Variants in VLDLR observed in about 807,000 individuals in gnomAD.
VLDLR encodes very low-density lipoprotein receptor.
A neutral mutation model predicts 112.7 loss-of-function variants in VLDLR; 81 were observed. The observed-to-expected ratio is 0.72, with a 90% CI of 0.60 to 0.86. The LOEUF (loss-of-function observed/expected upper bound fraction) is 0.86, where lower values mean the gene tolerates loss of function less well. Among genes scored for constraint, VLDLR ranks in the 40% least tolerant of loss-of-function variants. The pLI is 0.00. For missense variants in VLDLR, 1,237 were observed against 1,099.4 expected (o/e 1.13, Z -1.77); for synonymous variants, 436 against 384.8 (o/e 1.13, Z -1.56).
intron 1 of VLDLR, 149 bp downstream of exon 1, chr9:2,622,420 C>T: frequency 2.9e-6 from 2 of 686,384 alleles, no homozygotes; most frequent in East Asian, 3.5e-5. Context: ...CGTGGTGGCG[C>T]CTCTGAGCTG....
At chr9:2,633,509 A>G (rs1358549929) in intron 1 of VLDLR, among the ~76,000 whole-genome samples, 2 of 152,072 alleles carry the variant, frequency 1.3e-5, no homozygotes, top group African/African-American at 4.8e-5. Flanking sequence ...TTGACCTTTA[A>G]GTTGCTATTC....
intron 12 of VLDLR, among the ~76,000 whole-genome samples, chr9:2,647,947 G>A (rs893372350): frequency 6.6e-6 from 1 of 152,158 alleles, no homozygotes. Context: ...CAACAAAATG[G>A]TAGCCTCTTT....
chr9:2,645,733 A>C lies in VLDLR; in HGVS notation c.1472A>C (p.Lys491Thr). 6.2e-7 allele frequency: 1 copy of C among 1,614,208 alleles called. No individual in the cohort carries two copies. The highest frequency in any genetic ancestry group is 8.5e-7 in the Non-Finnish European group (1 of 1,180,032). ...QKLFWADLSQ[K>T]AIFSASIDDK... is the part of the protein sequence containing the mutation. ...CTATTCTGGGCCGATCTAAGCCAAA[A>C]GGCTATCTTCAGGTAACTTTCAGTT... Residue 491 changes from lysine to threonine, a missense_variant, in exon 10 of 19, where the codon AAG (lysine) becomes ACG (threonine). Lys to Thr is a moderately conservative substitution (Grantham distance 78). Transcript: ENST00000382100.
chr9:2,636,149 A>G (rs1397759935), intron 2 of VLDLR, among the ~76,000 whole-genome samples: 1 of 152,236 alleles, frequency 6.6e-6, no homozygotes, highest in Non-Finnish European at 1.5e-5. Context: ...ATCAGCATCT[A>G]TTAAAAGATC....
At chr9:2,627,517 C>T (rs1817147927) in intron 1 of VLDLR, among the ~76,000 whole-genome samples, 1 of 152,096 alleles carries the variant, frequency 6.6e-6, no homozygotes, top group Non-Finnish European at 1.5e-5. Flanking sequence ...CCCAAAGGGA[C>T]ACACTCATTC....
At chr9:2,640,009 C>T in intron 3 of VLDLR, 28 bp downstream of exon 3, 1 of 1,614,134 alleles carries the variant, frequency 6.2e-7, no homozygotes, top group Non-Finnish European at 8.5e-7. Flanking sequence ...TGGCCTTGAA[C>T]TTTGCCAAGT....
Position 2,622,167 on chromosome 9 carries a change from G to C in VLDLR, c.-23G>C, listed in dbSNP as rs1276099995. The C allele has an allele frequency of 2.8e-6, 4 of 1,421,680 alleles. No individual in the cohort carries two copies. The highest frequency in any genetic ancestry group is 1.5e-5 in the African/African-American group (1 of 67,388). The allele number at this position is 1,421,680 out of a possible 1,614,324, so 88.1% of individuals were successfully genotyped here. A position where few individuals can be genotyped will look rare whatever the true frequency, so the allele number is the denominator to read the frequency against. On this transcript the variant is annotated 5_prime_UTR_variant, in exon 1 of 19. Coordinates refer to ENST00000382100, the MANE Select transcript of VLDLR (RefSeq NM_003383.5). ...GCGAACGGCGGCGGCGGCGGCGGCG[G>C]CGGCACCATCCAGGCGGGCACCATG... is the stretch of plus-strand genomic sequence containing the variant.
chr9:2,643,341 G>T lies in VLDLR; in HGVS notation c.630G>T (p.Trp210Cys). The T allele has an allele frequency of 6.2e-7, 1 of 1,614,116 alleles. No individual in the cohort carries two copies. The highest frequency in any genetic ancestry group is 8.5e-7 in the Non-Finnish European group (1 of 1,180,028). ...CCTCCTCCTGCATCCCCATCAGCTG[G>T]GTATGCGACGATGATGCAGACTGCT... Reference protein sequence around the residue: ...CSTSSCIPISWVCDDDADCSD... With the variant: ...CSTSSCIPISCVCDDDADCSD... Residue 210 changes from tryptophan (W) to cysteine (C), a missense_variant, in exon 5 of 19, where the codon TGG becomes TGT. Physicochemically the swap from Trp to Cys is radical, Grantham distance 215. Coordinates refer to ENST00000382100, the MANE Select transcript of VLDLR (RefSeq NM_003383.5).
intron 9 of VLDLR, among the ~76,000 whole-genome samples, 171 bp from the exon 10 acceptor site, chr9:2,645,403 A>C (rs1436265849): frequency 6.6e-6 from 1 of 152,134 alleles, no homozygotes; most frequent in African/African-American, 2.4e-5. Flanking sequence ...CTGCCTTCCT[A>C]AACTGTAGGA....
chr9:2,622,255 C>A lies in VLDLR; in HGVS notation c.66C>A (p.Ser22Arg), dbSNP rs1465687085. 6.7e-7 allele frequency: 1 copy of A among 1,491,152 alleles called. No individual in the cohort carries two copies. The allele number at this position is 1,491,152 out of a possible 1,614,324, so 92.4% of individuals were successfully genotyped here. A position where few individuals can be genotyped will look rare whatever the true frequency, so the allele number is the denominator to read the frequency against. The change falls in exon 1 of 19, where the codon AGC becomes AGA. Residue 22 changes from serine (S) to arginine (R), a missense_variant. By Grantham distance (110) the Ser-to-Arg change is moderately radical. Coordinates refer to ENST00000382100, the MANE Select transcript of VLDLR (RefSeq NM_003383.5). ...LLALCWAPRE[S>R]GATGTGRKAK... ...CGCTGTGCTGGGCGCCCCGGGAGAG[C>A]GGCGCCACCGGAACCGGTGAGTGAG...
Position 2,645,003 on chromosome 9 carries a change from C to T in VLDLR, c.1233C>T (p.Ile411=). The T allele has an allele frequency of 2.5e-6, 4 of 1,614,142 alleles. No homozygotes were observed. Among genetic ancestry groups the T allele is most frequent in the Non-Finnish European group, 3.4e-6 (4 of 1,180,022 alleles). Residue 411 remains isoleucine, a synonymous_variant, in exon 9 of 19, where the codon ATC becomes ATT. Transcript: ENST00000382100. ...QNPGICSQIC[I]NLKGGYKCEC... is the part of the protein sequence containing the mutation. ...CAGGAATCTGCAGTCAAATTTGTAT[C>T]AACTTAAAAGGCGGTTACAAGTGTG...
chr9:2,644,776 T>A lies in VLDLR; in HGVS notation c.1109T>A (p.Ile370Asn). The A allele has an allele frequency of 6.2e-7, 1 of 1,614,182 alleles. No individual in the cohort carries two copies. The highest frequency in any genetic ancestry group is 8.5e-7 in the Non-Finnish European group (1 of 1,180,034). ...CLVNNGGCSH[I>N]CKDLVIGYEC... ...GTAAATAATGGTGGATGTTCTCATA[T>A]CTGCAAAGACCTAGTTATAGGCTAC... The change falls in exon 8 of 19, where the codon ATC becomes AAC. Residue 370 changes from isoleucine (I) to asparagine (N), a missense_variant. By Grantham distance (149) the Ile-to-Asn change is moderately radical. Coordinates refer to ENST00000382100, the MANE Select transcript of VLDLR (RefSeq NM_003383.5).
In VLDLR at chr9:2,659,700, A is replaced by G. The variant is rs778745304; in HGVS notation, c.*5832A>G. The stretch of plus-strand genomic sequence containing the variant: ...AGGAAGAACTGTGGCTTGTAACTCA[A>G]TGATGCTATAACTCCAGCACTGGAT... On this transcript the variant is annotated 3_prime_UTR_variant, in exon 19 of 19. Coordinates refer to ENST00000382100, the MANE Select transcript of VLDLR (RefSeq NM_003383.5). 1 of 152,246 alleles carries G rather than the reference A, an allele frequency of 6.6e-6. No homozygotes were observed. Among genetic ancestry groups the G allele is most frequent in the African/African-American group, 2.4e-5 (1 of 41,472 alleles). 9.4% of individuals were successfully genotyped at this position (152,246 alleles called of 1,614,324 possible).
At chr9:2,644,911 T>C in intron 8 of VLDLR, 46 bp from the exon 9 acceptor site, 2 of 1,614,122 alleles carry the variant, frequency 1.2e-6, no homozygotes, top group Non-Finnish European at 1.7e-6. Flanking sequence ...AGTATGTACC[T>C]AGTAAGGTAT....
Position 2,653,830 on chromosome 9 carries a change from C to T in VLDLR, c.2587-3C>T. The T allele has an allele frequency of 6.2e-7, 1 of 1,613,882 alleles. No individual in the cohort carries two copies. ...CTCATTCTATACTTCTTCTTTTCCA[C>T]AGATATCAGTTGTAAGCACAGATGA... On this transcript the variant is annotated splice_region_variant and splice_polypyrimidine_tract_variant and intron_variant, in intron 18 of 18. Coordinates refer to ENST00000382100, the MANE Select transcript of VLDLR (RefSeq NM_003383.5).
chr9:2,632,562 C>T (rs1419694451), intron 1 of VLDLR, among the ~76,000 whole-genome samples: 3 of 152,174 alleles, frequency 2.0e-5, no homozygotes, highest in Non-Finnish European at 4.4e-5. Flanking sequence ...GACTGCAGGT[C>T]CACAATCCTA....
chr9:2,635,682 A>G (rs1817572875), intron 2 of VLDLR, 110 bp downstream of exon 2: 1 of 1,534,876 alleles, frequency 6.5e-7, no homozygotes. Context: ...AATTGCTTTG[A>G]AAGAATCTAT....
intron 1 of VLDLR, among the ~76,000 whole-genome samples, chr9:2,625,137 A>T (rs927256797): frequency 2.0e-5 from 3 of 152,240 alleles, no homozygotes; most frequent in African/African-American, 7.2e-5. Flanking sequence ...TCTACCTGTC[A>T]TAAAATTGAA....
chr9:2,644,031 A>AC, intron 7 of VLDLR, 72 bp downstream of exon 7: 21 of 1,608,366 alleles, frequency 1.3e-5, no homozygotes, highest in East Asian at 2.2e-5. Context: ...CACTGTGTGG[A>AC]CCCCCCGTGA....
Sources: allele counts gnomAD v4.1 joint callset (sites outside exome capture counted in the v4.1 genomes callset), GRCh38; gene constraint gnomAD v4.1.1; transcripts MANE v1.5; gene names NCBI Gene and HGNC (gene_info 2026-07-23, HGNC 2026-07-21).